CGNL1: variants seen among roughly 807,000 people sequenced by gnomAD.
CGNL1 encodes the protein cingulin like 1, also known as cingulin-like protein 1.
CGNL1 carries 132 observed loss-of-function variants against 141.2 expected under a neutral mutation model. That is an observed-to-expected ratio of 0.93 (90% CI 0.81 to 1.08). CGNL1 has a LOEUF of 1.08. CGNL1 is among the 50% of genes least tolerant of loss of function. The pLI is 0.00. For missense variants in CGNL1, 1,870 were observed against 1,588.6 expected, an observed-to-expected ratio of 1.18 and a Z score of -3.01; for synonymous variants, 690 against 622.1, an observed-to-expected ratio of 1.11 and a Z score of -1.63.
rs373731974 is a variant in CGNL1 at position 57,533,448 on chromosome 15, C to T, written c.3291+1669C>T. 5.9e-5 allele frequency among the ~76,000 whole-genome samples: 9 copies of T among 152,264 alleles called. No homozygotes were observed. In the South Asian group the frequency reaches 6.2e-4, roughly 11 times the overall value. ...CCCTGCCAGCCTGGCTAAGTAGCGA[C>T]GTTCCCCCCAGACATGTCAGGATCC... On this transcript the variant is annotated intron_variant, in intron 14 of 18. Coordinates refer to ENST00000281282, the MANE Select transcript of CGNL1 (RefSeq NM_032866.5).
intron 4 of CGNL1, among the ~76,000 whole-genome samples, chr15:57,450,414 C>T (rs1173213495): frequency 3.9e-5 from 6 of 152,114 alleles, no homozygotes; most frequent in African/African-American, 1.2e-4. Flanking sequence ...GTAGCTGGGA[C>T]TACAGACGTG....
intron 8 of CGNL1, among the ~76,000 whole-genome samples, chr15:57,494,458 C>A (rs934548650): frequency 6.6e-6 from 1 of 152,142 alleles, no homozygotes; most frequent in Non-Finnish European, 1.5e-5. Flanking sequence ...TTCTCCTCTG[C>A]ACCTGGATTC....
intron 8 of CGNL1, among the ~76,000 whole-genome samples, chr15:57,464,411 A>G (rs2063483968): frequency 6.6e-6 from 1 of 152,222 alleles, no homozygotes; most frequent in Non-Finnish European, 1.5e-5. Flanking sequence ...AACATAGACC[A>G]ATACACCCCA....
chr15:57,481,470 C>T (rs1336403631), intron 8 of CGNL1, among the ~76,000 whole-genome samples: 3 of 152,164 alleles, frequency 2.0e-5, no homozygotes, highest in Admixed American at 6.5e-5. Context: ...TTTTTTCTCT[C>T]AGCATTGTTC....
chr15:57,400,451 T>G (rs1352852383), intron 1 of CGNL1, among the ~76,000 whole-genome samples: 1 of 152,184 alleles, frequency 6.6e-6, no homozygotes, highest in African/African-American at 2.4e-5. Flanking sequence ...GAGTTTGAAT[T>G]GTGTTTTATG....
chr15:57,518,653 C>T (rs192994608), intron 10 of CGNL1, among the ~76,000 whole-genome samples, 156 bp downstream of exon 10: 1 of 152,222 alleles, frequency 6.6e-6, no homozygotes, highest in Non-Finnish European at 1.5e-5. Flanking sequence ...TCCGTCTAGA[C>T]CAGCGATTCT....
rs2033021476 is a variant in CGNL1 at position 57,549,547 on chromosome 15, C to T, written c.*2057C>T. On this transcript the variant is annotated 3_prime_UTR_variant, in exon 19 of 19. Coordinates refer to ENST00000281282, the MANE Select transcript of CGNL1 (RefSeq NM_032866.5). ...CCTCACCACAGCCAGGGGTGATTCT[C>T]ACCTCTGCCTGCTTATGTGGGGTGT... 6.6e-6 allele frequency: 1 copy of T among 152,220 alleles called. No homozygotes were observed. The highest frequency in any genetic ancestry group is 2.4e-5 in the African/African-American group (1 of 41,442). The allele number at this position is 152,220 out of a possible 1,614,324, so 9.4% of individuals were successfully genotyped here.
At chr15:57,488,624 C>G (rs1360352900) in intron 8 of CGNL1, among the ~76,000 whole-genome samples, 1 of 152,210 alleles carries the variant, frequency 6.6e-6, no homozygotes. Context: ...CAAGGGTACA[C>G]TGGTCCCTTC....
intron 12 of CGNL1, among the ~76,000 whole-genome samples, chr15:57,528,032 G>T (rs970300870): frequency 6.6e-6 from 1 of 152,364 alleles, no homozygotes; most frequent in African/African-American, 2.4e-5. Flanking sequence ...ACTGAGGCGG[G>T]CATCACCTGA....
chr15:57,405,561 G>A lies in CGNL1; in HGVS notation c.-16+28994G>A, dbSNP rs1769759479. On this transcript the variant is annotated intron_variant, in intron 1 of 18. Coordinates refer to ENST00000281282, the MANE Select transcript of CGNL1 (RefSeq NM_032866.5). ...TCTCCAGCTCTTTCCTACCTTTCAA[G>A]GGTGTGTGGTAAGCTTGGTGAGTGG... Among the ~76,000 whole-genome samples, 5 of 152,180 alleles carry A rather than the reference G, an allele frequency of 3.3e-5. 1 individual carries two copies. The South Asian group carries it at 1.0e-3, about 31-fold the overall frequency.
intron 4 of CGNL1, among the ~76,000 whole-genome samples, chr15:57,449,200 C>G (rs2063292554): frequency 6.6e-6 from 1 of 152,158 alleles, no homozygotes; most frequent in South Asian, 2.1e-4. Flanking sequence ...AACTCTTGCT[C>G]TGCTCATATA....
At chr15:57,450,621 T>C (rs1205770581) in intron 4 of CGNL1, among the ~76,000 whole-genome samples, 1 of 152,178 alleles carries the variant, frequency 6.6e-6, no homozygotes, top group Non-Finnish European at 1.5e-5. Flanking sequence ...TTGTCTGTGC[T>C]TATAAAATTT....
chr15:57,397,709 CT>C (rs2062617352), intron 1 of CGNL1, among the ~76,000 whole-genome samples: 1 of 151,410 alleles, frequency 6.6e-6, no homozygotes, highest in Admixed American at 6.6e-5. Flanking sequence ...AGCCTTTTTT[CT>C]TGATTATGTA....
chr15:57,508,500 C>G (rs1156863736), intron 8 of CGNL1, among the ~76,000 whole-genome samples: 1 of 152,186 alleles, frequency 6.6e-6, no homozygotes. Flanking sequence ...ATTTTCTGAT[C>G]TGTTTAGGTA....
intron 1 of CGNL1, among the ~76,000 whole-genome samples, chr15:57,385,951 C>T (rs961529440): frequency 3.9e-5 from 6 of 152,342 alleles, no homozygotes; most frequent in South Asian, 4.1e-4. Flanking sequence ...CCTCAAACAA[C>T]GGTAGCTCTT....
At chr15:57,486,636 G>A (rs2063789236) in intron 8 of CGNL1, among the ~76,000 whole-genome samples, 1 of 152,196 alleles carries the variant, frequency 6.6e-6, no homozygotes, top group South Asian at 2.1e-4. Context: ...TTTACGTTAG[G>A]TGACTGGTGA....
intron 1 of CGNL1, among the ~76,000 whole-genome samples, chr15:57,402,363 G>A: frequency 6.6e-6 from 1 of 152,208 alleles, no homozygotes; most frequent in Non-Finnish European, 1.5e-5. Flanking sequence ...AGCAGATGCT[G>A]GTGCCATGCT....
chr15:57,439,645 C>G, intron 2 of CGNL1, 44 bp downstream of exon 2: 2 of 1,567,490 alleles, frequency 1.3e-6, no homozygotes, highest in Non-Finnish European at 1.7e-6. Flanking sequence ...TCTCTTCCTT[C>G]TAAATAATGT....
Position 57,445,148 on chromosome 15 carries a change from C to G in CGNL1, c.1803+2670C>G, listed in dbSNP as rs557953123. 4.5e-4 allele frequency among the ~76,000 whole-genome samples: 69 copies of G among 152,132 alleles called. 1 individual carries two copies. The highest frequency in any genetic ancestry group is 8.2e-4 in the Non-Finnish European group (56 of 68,018). ...AGGTGGCACATGCCTGTAGCCCCAGCTACTCAGGAAGCTGAGGCAGAAGTC... is the reference window on the plus strand; with the variant it reads ...AGGTGGCACATGCCTGTAGCCCCAGGTACTCAGGAAGCTGAGGCAGAAGTC... On this transcript the variant is annotated intron_variant, in intron 4 of 18. Transcript: ENST00000281282.
Sources: allele counts gnomAD v4.1 joint callset (sites outside exome capture counted in the v4.1 genomes callset), GRCh38; gene constraint gnomAD v4.1.1; transcripts MANE v1.5; gene names NCBI Gene and HGNC (gene_info 2026-07-23, HGNC 2026-07-21).